The following USP53 variants were observed in gnomAD, a reference collection of about 807,000 sequenced individuals.
USP53 encodes the protein ubiquitin specific peptidase 53.
USP53 carries 71 observed loss-of-function variants against 94.9 expected under a neutral mutation model. The ratio of observed to expected loss-of-function variants is 0.75; its 90% CI spans 0.62 to 0.91. The LOEUF (loss-of-function observed/expected upper bound fraction) is 0.91. Ranked by LOEUF, USP53 falls within the 40% of genes least tolerant of loss-of-function variation. The pLI, the probability that USP53 is intolerant of heterozygous loss-of-function variation, is 0.00. For synonymous variants in USP53, 375 were observed against 422.7 expected (o/e 0.89, Z 1.39); for missense variants, 1,173 against 1,281.0 (o/e 0.92, Z 1.29).
At position 119,212,737 on chromosome 4, in the gene USP53, T is replaced by A. The variant is rs6833072; in HGVS notation, c.-1078T>A. The A allele has an allele frequency of 1.8e-5, 6 of 332,972 alleles. No homozygotes were observed. Among genetic ancestry groups the A allele is most frequent in the Non-Finnish European group, 3.6e-5 (6 of 165,892 alleles). The allele number at this position is 332,972 out of a possible 1,614,324, so 20.6% of individuals were successfully genotyped here. On this transcript the variant is annotated 5_prime_UTR_variant, in exon 1 of 19. Coordinates refer to ENST00000692078, the MANE Select transcript of USP53 (RefSeq NM_001371395.1). Reference sequence around the variant, plus strand: ...CAGTTCCCGGTGAGCCTCGGTACTGTGGCAGCAGTCAGTGTGTCTGGCGGG... The same window carrying A: ...CAGTTCCCGGTGAGCCTCGGTACTGAGGCAGCAGTCAGTGTGTCTGGCGGG...
chr4:119,223,464 T>C (rs944937455), intron 3 of USP53, among the ~76,000 whole-genome samples: 31 of 152,204 alleles, frequency 2.0e-4, no homozygotes, highest in African/African-American at 7.5e-4. Context: ...TATGTTTTCT[T>C]GGATGTGCAT....
chr4:119,250,788 A>T (rs1306311408), intron 7 of USP53, among the ~76,000 whole-genome samples: 1 of 152,180 alleles, frequency 6.6e-6, no homozygotes, highest in East Asian at 1.9e-4. Context: ...CTATATTGTA[A>T]ATCAATATTT....
Position 119,271,857 on chromosome 4 carries a change from A to T in USP53, c.1997A>T (p.Asn666Ile). The T allele has an allele frequency of 6.2e-7, 1 of 1,613,488 alleles. No homozygotes were observed. The highest frequency in any genetic ancestry group is 8.5e-7 in the Non-Finnish European group (1 of 1,179,894). ...LESNGKGAEK[N>I]KGLVEGKVHG... ...TCTAATGGAAAAGGAGCAGAGAAAA[A>T]TAAAGGCCTTGTAGAGGGTAAAGTG... The change falls in exon 16 of 19, where the codon AAT becomes ATT. Residue 666 changes from asparagine (N) to isoleucine (I), a missense_variant. Physicochemically the swap from Asn to Ile is moderately radical, Grantham distance 149 (BLOSUM62 -3). Coordinates refer to ENST00000692078, the MANE Select transcript of USP53 (RefSeq NM_001371395.1).
In USP53 at chr4:119,268,278, GCCTGTAATTCATAAGT is replaced by G. The variant is rs760157190; in HGVS notation, c.1148_1163del (p.Pro383GlnfsTer4). The stretch of plus-strand genomic sequence containing the variant: ...GCTTCTCTTTTTAAGGATGTGAAAA[GCCTGTAATTCATAAGT>G]CAGATAATTTAAAAGAAAATGGATT... On this transcript the variant is annotated frameshift_variant, in exon 14 of 19. Coordinates refer to ENST00000692078, the MANE Select transcript of USP53 (RefSeq NM_001371395.1). LOFTEE classifies it high-confidence loss of function. 3 of 1,611,056 alleles carry G rather than the reference GCCTGTAATTCATAAGT, an allele frequency of 1.9e-6. No homozygotes were observed. The African/African-American group carries it at 4.0e-5, about 22-fold the overall frequency.
chr4:119,273,271 AC>A (rs747491152), intron 16 of USP53: 3 of 155,646 alleles, frequency 1.9e-5, no homozygotes, highest in Non-Finnish European at 2.8e-5. Context: ...CCATGTTTGT[AC>A]CACTGCACTC....
chr4:119,273,487 C>A, intron 16 of USP53, 145 bp from the exon 17 acceptor site: 1 of 516,630 alleles, frequency 1.9e-6, no homozygotes, highest in Non-Finnish European at 3.5e-6. Flanking sequence ...AAGATAACAA[C>A]TACTTTTAAG....
In USP53 at chr4:119,269,710, T is replaced by G; in HGVS notation, c.1308T>G (p.Asp436Glu). ...TTACAGCTAAGTTAAGTCACATTGATCAAAGGGAAAAGATAAAAGACATTT... is the reference window on the plus strand; with the variant it reads ...TTACAGCTAAGTTAAGTCACATTGAGCAAAGGGAAAAGATAAAAGACATTT... ...GKGPAKLSHI[D>E]QREKIKDISR... The change falls in exon 15 of 19, where the codon GAT (aspartate) becomes GAG (glutamate). Residue 436 changes from aspartate to glutamate, a missense_variant. Asp to Glu is a conservative substitution (Grantham distance 45). Coordinates refer to ENST00000692078, the MANE Select transcript of USP53 (RefSeq NM_001371395.1). The G allele has an allele frequency of 6.8e-7, 1 of 1,479,682 alleles. No individual in the cohort carries two copies. The highest frequency in any genetic ancestry group is 9.0e-7 in the Non-Finnish European group (1 of 1,116,782). 91.7% of individuals were successfully genotyped at this position (1,479,682 alleles called of 1,614,324 possible).
chr4:119,213,660 A>ATGTGTGTGTGTGTGTG (rs1553962017), intron 1 of USP53, among the ~76,000 whole-genome samples: 1 of 117,780 alleles, frequency 8.5e-6, no homozygotes, highest in African/African-American at 3.6e-5. Context: ...ATATATATAT[A>ATGTGTGTGTGTGTGTG]TGTGTGTGTG....
chr4:119,224,207 C>T (rs1457978679), intron 3 of USP53, among the ~76,000 whole-genome samples: 1 of 151,888 alleles, frequency 6.6e-6, no homozygotes, highest in Admixed American at 6.6e-5. Context: ...ACCATTTTGG[C>T]CAGGCTGGTC....
chr4:119,278,565 G>A (rs1752990265), intron 17 of USP53, among the ~76,000 whole-genome samples: 1 of 131,294 alleles, frequency 7.6e-6, no homozygotes. Flanking sequence ...TGGTGAATCT[G>A]ACAATTATGT....
intron 17 of USP53, among the ~76,000 whole-genome samples, chr4:119,287,833 G>A (rs1412956016): frequency 2.0e-5 from 3 of 152,176 alleles, no homozygotes; most frequent in Admixed American, 6.5e-5. Flanking sequence ...TAATGGCATA[G>A]TGCAGTGGCA....
intron 3 of USP53, among the ~76,000 whole-genome samples, chr4:119,227,002 A>T (rs769994497): frequency 6.6e-6 from 1 of 151,720 alleles, no homozygotes; most frequent in Non-Finnish European, 1.5e-5. Context: ...TGCCCAGCTA[A>T]TTTTTGTACT....
chr4:119,259,299 G>T (rs1260156886), intron 9 of USP53, among the ~76,000 whole-genome samples: 2 of 151,550 alleles, frequency 1.3e-5, no homozygotes, highest in South Asian at 2.1e-4. Context: ...AAAAAAAGGG[G>T]GGGGAGTAAT....
At chr4:119,273,781 ATC>A in intron 17 of USP53, 73 bp downstream of exon 17, 1 of 1,254,612 alleles carries the variant, frequency 8.0e-7, no homozygotes, top group South Asian at 1.4e-5. Context: ...GCTATTATGT[ATC>A]TGAGAGAAAA....
In USP53 at chr4:119,293,433, A is replaced by C; in HGVS notation, c.*222A>C. ...TTTAAAGTTGTTAATCACTATACAT[A>C]TGTATGTGTATATGTGTATACACAT... On this transcript the variant is annotated 3_prime_UTR_variant, in exon 19 of 19. Transcript: ENST00000692078. 3 of 503,024 alleles carry C rather than the reference A, an allele frequency of 6.0e-6. No homozygotes were observed. The highest frequency in any genetic ancestry group is 7.0e-6 in the Non-Finnish European group (2 of 285,538). 31.2% of individuals were successfully genotyped at this position (503,024 alleles called of 1,614,324 possible).
At chr4:119,238,285 C>T (rs1236422829) in intron 4 of USP53, among the ~76,000 whole-genome samples, 1 of 152,082 alleles carries the variant, frequency 6.6e-6, no homozygotes, top group Non-Finnish European at 1.5e-5. Flanking sequence ...TACTTGAACA[C>T]CTAGGGGCCA....
chr4:119,252,297 C>G (rs1749122192), intron 7 of USP53, among the ~76,000 whole-genome samples: 1 of 152,132 alleles, frequency 6.6e-6, no homozygotes, highest in Admixed American at 6.5e-5. Flanking sequence ...GGAATAGTTT[C>G]AGAAGGAATG....
chr4:119,280,128 G>T (rs1395356552), intron 17 of USP53, among the ~76,000 whole-genome samples: 1 of 151,926 alleles, frequency 6.6e-6, no homozygotes, highest in Non-Finnish European at 1.5e-5. Context: ...CTCCTCCCCC[G>T]TTTGCAGCCT....
At chr4:119,286,476 A>C (rs1754132735) in intron 17 of USP53, among the ~76,000 whole-genome samples, 1 of 152,032 alleles carries the variant, frequency 6.6e-6, no homozygotes, top group Admixed American at 6.6e-5. Context: ...GAAGAGAAAA[A>C]TAACATATCT....
Sources: allele counts gnomAD v4.1 joint callset (sites outside exome capture counted in the v4.1 genomes callset), GRCh38; gene constraint gnomAD v4.1.1; transcripts MANE v1.5; gene names NCBI Gene and HGNC (gene_info 2026-07-23, HGNC 2026-07-21).